The following RTN3 variants were observed in gnomAD, a reference collection of about 807,000 sequenced individuals.
RTN3 encodes the protein reticulon-3.
RTN3 carries 49 observed loss-of-function variants against 77.8 expected under a neutral mutation model. The ratio of observed to expected loss-of-function variants is 0.63; its 90% CI spans 0.50 to 0.80. The LOEUF (loss-of-function observed/expected upper bound fraction) is 0.80, where lower values mean the gene tolerates loss of function less well. RTN3 is among the 30% of genes least tolerant of loss of function. The pLI is 0.00. For synonymous variants in RTN3, 464 were observed against 446.9 expected, an observed-to-expected ratio of 1.04 and a Z score of -0.48; for missense variants, 1,236 against 1,211.9, an observed-to-expected ratio of 1.02 and a Z score of -0.29.
intron 3 of RTN3, chr11:63,746,909 C>CA (rs1399231499): frequency 4.4e-6 from 2 of 451,638 alleles, no homozygotes; most frequent in Non-Finnish European, 8.9e-6. Context: ...TCAGTTGTAC[C>CA]AATGATGTCT....
chr11:63,702,268 T>A (rs1475575983), intron 1 of RTN3, among the ~76,000 whole-genome samples: 2 of 152,030 alleles, frequency 1.3e-5, no homozygotes, highest in East Asian at 3.9e-4. Context: ...ATGTTCTTAG[T>A]GTGTGGTTTT....
rs772950163 is a variant in RTN3 at position 63,719,354 on chromosome 11, C to T, written c.852C>T (p.Ser284=). The T allele has an allele frequency of 3.0e-5, 49 of 1,613,844 alleles. No homozygotes were observed. Among genetic ancestry groups the T allele is most frequent in the South Asian group, 4.4e-5 (4 of 91,062 alleles). ...SWSVHTDKES[S]EDISETNDKL... ...CTGTGCACACTGATAAAGAATCATC[C>T]GAAGACATTTCAGAGACTAATGACA... Residue 284 remains serine, a synonymous_variant, in exon 3 of 9, where the codon TCC becomes TCT. Transcript: ENST00000377819.
chr11:63,693,099 T>C (rs1290093947), intron 1 of RTN3, among the ~76,000 whole-genome samples: 1 of 152,148 alleles, frequency 6.6e-6, no homozygotes, highest in East Asian at 1.9e-4. Flanking sequence ...GTCCAGCAAC[T>C]AAAACAAGCC....
At chr11:63,723,383 A>G (rs940431458) in intron 3 of RTN3, among the ~76,000 whole-genome samples, 3 of 151,916 alleles carry the variant, frequency 2.0e-5, no homozygotes, top group African/African-American at 7.2e-5. Flanking sequence ...CCATTTCAGT[A>G]AAATGCATCA....
At chr11:63,712,838 G>T (rs1028134824) in intron 2 of RTN3, among the ~76,000 whole-genome samples, 1 of 152,144 alleles carries the variant, frequency 6.6e-6, no homozygotes, top group South Asian at 2.1e-4. Flanking sequence ...GCTCACACTT[G>T]TAATCCCAGC....
At chr11:63,735,209 C>T (rs1238352608) in intron 3 of RTN3, among the ~76,000 whole-genome samples, 1 of 152,002 alleles carries the variant, frequency 6.6e-6, no homozygotes, top group African/African-American at 2.4e-5. Flanking sequence ...AGGCTGGTCT[C>T]GAACTCCCAA....
intron 1 of RTN3, among the ~76,000 whole-genome samples, chr11:63,690,665 A>G (rs2134639137): frequency 6.6e-6 from 1 of 152,288 alleles, no homozygotes; most frequent in Non-Finnish European, 1.5e-5. Context: ...TTCTGGCTCC[A>G]CGGTTCTTAA....
At chr11:63,689,890 T>C (rs960381097) in intron 1 of RTN3, among the ~76,000 whole-genome samples, 2 of 152,030 alleles carry the variant, frequency 1.3e-5, no homozygotes, top group Admixed American at 6.6e-5. Flanking sequence ...CCTGAGTAGG[T>C]GGGATTGCAG....
intron 3 of RTN3, among the ~76,000 whole-genome samples, chr11:63,748,754 G>A (rs764673599): frequency 6.2e-5 from 9 of 144,088 alleles, no homozygotes; most frequent in Non-Finnish European, 1.0e-4. Flanking sequence ...TGCAGCCTCC[G>A]CTTCCCGGGT....
intron 6 of RTN3, 47 bp from the exon 7 acceptor site, chr11:63,753,615 A>G (rs1384266541): frequency 2.6e-6 from 4 of 1,525,912 alleles, no homozygotes; most frequent in Non-Finnish European, 3.6e-6. Flanking sequence ...TTAAGATGTG[A>G]CTGTCTCTCA....
At chr11:63,713,956 C>T in intron 2 of RTN3, 1 of 512,530 alleles carries the variant, frequency 2.0e-6, no homozygotes, top group South Asian at 1.4e-5. Flanking sequence ...CTGGACTTTT[C>T]TGTCCTTTTG....
Position 63,729,391 on chromosome 11 carries a change from CAG to C in RTN3, c.2530+8361_2530+8362del, listed in dbSNP as rs1491289937. Among the ~76,000 whole-genome samples the C allele has an allele frequency of 1.8e-4, 24 of 133,196 alleles. 1 individual carries two copies. The East Asian group carries it at 3.4e-3, about 19-fold the overall frequency. 87.4% of individuals were successfully genotyped at this position (133,196 alleles called of 152,430 possible). A position where few individuals can be genotyped will look rare whatever the true frequency, so the allele number is the denominator to read the frequency against. On this transcript the variant is annotated intron_variant, in intron 3 of 8. Transcript: ENST00000377819. ...TGTTTATTTCTTAGGACAATTATAACAGAAAAAAACGAGTATATGGACTGTAC... is the reference window on the plus strand; with the variant it reads ...TGTTTATTTCTTAGGACAATTATAACAAAAAAACGAGTATATGGACTGTAC...
Position 63,719,151 on chromosome 11 carries a change from T to A in RTN3, c.649T>A (p.Tyr217Asn). ...LLTAQKPPTE[Y>N]SKVEGIYTYS... Reference sequence around the variant, plus strand: ...GACAGCCCAGAAACCACCTACTGAGTACTCTAAGGTAGAAGGCATTTATAC... The same window carrying A: ...GACAGCCCAGAAACCACCTACTGAGAACTCTAAGGTAGAAGGCATTTATAC... Residue 217 changes from tyrosine to asparagine, a missense_variant, in exon 3 of 9, where the codon TAC (tyrosine) becomes AAC (asparagine). Tyr to Asn is a moderately radical substitution (Grantham distance 143). Coordinates refer to ENST00000377819, the MANE Select transcript of RTN3 (RefSeq NM_001265589.2). 2 of 1,614,156 alleles carry A rather than the reference T, an allele frequency of 1.2e-6. No homozygotes were observed. Among genetic ancestry groups the A allele is most frequent in the South Asian group, 1.1e-5 (1 of 91,078 alleles).
At position 63,720,363 on chromosome 11, in the gene RTN3, A is replaced by G; in HGVS notation, c.1861A>G (p.Asn621Asp). The change falls in exon 3 of 9, where the codon AAT (asparagine) becomes GAT (aspartate). Residue 621 changes from asparagine to aspartate, a missense_variant. Physicochemically the swap from Asn to Asp is conservative, Grantham distance 23 (BLOSUM62 1). This residue lies in a region of RTN3 where 1,056 missense variants were observed against 990.4 expected (regional missense o/e 1.07). Transcript: ENST00000377819. ...LPSTVSPNVF[N>D]ETEFSLNVTT... ...TTCAACAGTGTCTCCAAATGTTTTT[A>G]ATGAGACAGAATTCTCATTAAATGT... 6.2e-7 allele frequency: 1 copy of G among 1,614,084 alleles called. No homozygotes were observed. The highest frequency in any genetic ancestry group is 8.5e-7 in the Non-Finnish European group (1 of 1,179,984).
chr11:63,756,128 A>G lies in RTN3; in HGVS notation c.3011A>G (p.Tyr1004Cys), dbSNP rs1467287424. ...YEKYKTQIDH[Y>C]VGIARDQTKS... ...TCCTTAAAGACCCAGATTGATCACT[A>G]TGTTGGCATCGCCCGAGATCAGACC... Residue 1004 changes from tyrosine to cysteine, a missense_variant, in exon 8 of 9, where the codon TAT (tyrosine) becomes TGT (cysteine). By Grantham distance (194) the Tyr-to-Cys change is radical (BLOSUM62 -2). Transcript: ENST00000377819. The G allele has an allele frequency of 1.2e-6, 2 of 1,613,166 alleles. No individual in the cohort carries two copies. The highest frequency in any genetic ancestry group is 4.5e-5 in the East Asian group (2 of 44,868).
rs578224631 is a variant in RTN3, at chr11:63,685,692, A to G, written c.142+3914A>G. On this transcript the variant is annotated intron_variant, in intron 1 of 8. Coordinates refer to ENST00000377819, the MANE Select transcript of RTN3 (RefSeq NM_001265589.2). ...CTAAAAAATTACCTTAATTGTTTAAAAAAAAAATCTGTACGTATTGCTGTC... is the reference window on the plus strand; with the variant it reads ...CTAAAAAATTACCTTAATTGTTTAAGAAAAAAATCTGTACGTATTGCTGTC... 3.9e-5 allele frequency among the ~76,000 whole-genome samples: 6 copies of G among 152,194 alleles called. No individual in the cohort carries two copies. The East Asian group carries it at 9.6e-4, about 24-fold the overall frequency.
At position 63,698,573 on chromosome 11, in the gene RTN3, A is replaced by G. The variant is rs548565566; in HGVS notation, c.143-6278A>G. ...CTTTCTTGATCCCCTTTAAATACACATATTTTAAAATTTCTCTTCATGCCA... is the reference window on the plus strand; with the variant it reads ...CTTTCTTGATCCCCTTTAAATACACGTATTTTAAAATTTCTCTTCATGCCA... On this transcript the variant is annotated intron_variant, in intron 1 of 8. Coordinates refer to ENST00000377819, the MANE Select transcript of RTN3 (RefSeq NM_001265589.2). 30 of 160,834 alleles carry G rather than the reference A, an allele frequency of 1.9e-4. No homozygotes were observed. In the South Asian group the frequency reaches 6.0e-3, roughly 32 times the overall value. 10.0% of individuals were successfully genotyped at this position (160,834 alleles called of 1,614,324 possible).
intron 2 of RTN3, among the ~76,000 whole-genome samples, chr11:63,716,929 A>G (rs2011436209): frequency 6.8e-6 from 1 of 147,916 alleles, no homozygotes; most frequent in African/African-American, 2.5e-5. Flanking sequence ...AGATCGCGCC[A>G]CTACACTCCA....
chr11:63,695,209 A>G (rs757866459), intron 1 of RTN3, among the ~76,000 whole-genome samples: 8 of 152,250 alleles, frequency 5.3e-5, no homozygotes, highest in Middle Eastern at 3.2e-3. Context: ...GGTGCTTCCA[A>G]TCAGTTTGTA....
Sources: gnomAD v4.1 joint callset for allele counts (sites outside exome capture counted in the v4.1 genomes callset) on GRCh38, gnomAD v4.1.1 for gene constraint, gnomAD v4.1.1 regional missense constraint, MANE v1.5 for transcripts, NCBI Gene and HGNC (gene_info 2026-07-23, HGNC 2026-07-21) for gene names.